The following ELP1 variants were observed in gnomAD, a reference collection of about 807,000 sequenced individuals.
ELP1 encodes the protein elongator acetyltransferase complex subunit 1.
ELP1 carries 131 observed loss-of-function variants against 183.2 expected under a neutral mutation model. The ratio of observed to expected loss-of-function variants is 0.72; its 90% confidence interval spans 0.62 to 0.83. ELP1 has a LOEUF of 0.83. Ranked by LOEUF, ELP1 falls within the 40% of genes least tolerant of loss-of-function variation. The probability of loss-of-function intolerance (pLI) is 0.00; values close to 1 mark genes in which losing one functional copy is unlikely to be tolerated. For synonymous variants in ELP1, 555 were observed against 569.0 expected (o/e 0.98, Z 0.35); for missense variants, 1,550 against 1,594.9 (o/e 0.97, Z 0.48).
intron 22 of ELP1, among the ~76,000 whole-genome samples, chr9:108,897,768 TTGAAAGGAA>T (rs1372005018): frequency 2.6e-5 from 4 of 152,226 alleles, no homozygotes; most frequent in Non-Finnish European, 5.9e-5. Flanking sequence ...CAGGGACTGA[TTGAAAGGAA>T]TCTGAAGCAG....
chr9:108,885,858 C>T (rs1007333595), intron 29 of ELP1, among the ~76,000 whole-genome samples: 1 of 152,022 alleles, frequency 6.6e-6, no homozygotes, highest in Non-Finnish European at 1.5e-5. Flanking sequence ...TTTGATGGAT[C>T]TTGGGGGTAT....
chr9:108,901,299 A>G, intron 18 of ELP1, 126 bp downstream of exon 18: 1 of 720,210 alleles, frequency 1.4e-6, no homozygotes, highest in Admixed American at 2.1e-5. Flanking sequence ...AAATAACTCT[A>G]AAGATTTTCT....
At position 108,893,936 on chromosome 9, in the gene ELP1, C is replaced by T. The variant is rs1247714394; in HGVS notation, c.2860+7G>A. 6.2e-7 allele frequency: 1 copy of T among 1,613,802 alleles called. No individual in the cohort carries two copies. The highest frequency in any genetic ancestry group is 8.5e-7 in the Non-Finnish European group (1 of 1,179,832). On this transcript the variant is annotated splice_region_variant and intron_variant, in intron 26 of 36. Coordinates refer to ENST00000374647, the MANE Select transcript of ELP1 (RefSeq NM_003640.5). The stretch of plus-strand genomic sequence containing the variant: ...GTAGAGATAAACATACTAATCCCCA[C>T]ACTTACCACATTTGCTGAGGTGGCC...
At chr9:108,931,776 C>T (rs1363260250) in intron 1 of ELP1, among the ~76,000 whole-genome samples, 1 of 152,162 alleles carries the variant, frequency 6.6e-6, no homozygotes, top group East Asian at 1.9e-4. Context: ...GACATGACAA[C>T]AATTTACTTC....
chr9:108,898,183 A>G (rs760464041), intron 22 of ELP1, among the ~76,000 whole-genome samples: 3 of 152,232 alleles, frequency 2.0e-5, no homozygotes, highest in Non-Finnish European at 4.4e-5. Flanking sequence ...TTTCATTAAA[A>G]AGTTGAGGGG....
rs1218550029 is a variant in ELP1, at chr9:108,911,062, A to G, written c.1308T>C (p.Ser436=). ...TGGCATCTAGAACAGCAAGGTCATT[A>G]CTCTTTTGAGGGTGTGCTAAGAATG... The part of the protein sequence containing the change: ...QVTFLAHPQK[S]NDLAVLDASN... The change falls in exon 12 of 37, where the codon AGT becomes AGC. Residue 436 remains serine, a synonymous_variant. Coordinates refer to ENST00000374647, the MANE Select transcript of ELP1 (RefSeq NM_003640.5). 1 of 1,614,042 alleles carries G rather than the reference A, an allele frequency of 6.2e-7. No individual in the cohort carries two copies. Among genetic ancestry groups the G allele is most frequent in the South Asian group, 1.1e-5 (1 of 91,078 alleles).
intron 1 of ELP1, among the ~76,000 whole-genome samples, chr9:108,933,091 C>G (rs1278850014): frequency 6.6e-6 from 1 of 152,154 alleles, no homozygotes; most frequent in African/African-American, 2.4e-5. Flanking sequence ...TACCACTAAA[C>G]CCACATTTTC....
chr9:108,902,795 T>C (rs1357935682), intron 16 of ELP1, 44 bp downstream of exon 16: 4 of 1,445,672 alleles, frequency 2.8e-6, no homozygotes, highest in Middle Eastern at 1.7e-4. Flanking sequence ...CATCAGTCCC[T>C]GGGTAACTAC....
chr9:108,869,124 C>G lies in ELP1; in HGVS notation c.3990G>C (p.Leu1330=). Residue 1330 remains leucine, a synonymous_variant, in exon 37 of 37, where the codon CTG becomes CTC. Coordinates refer to ENST00000374647, the MANE Select transcript of ELP1 (RefSeq NM_003640.5). ...TCCTAACTGCAGTCACTCAGTCTAG[C>G]AGGCTCAGCTTCCACTGGGTTCTTC... ...INRRTQWKLS[L]LD is the part of the protein sequence containing the mutation. 6.2e-7 allele frequency: 1 copy of G among 1,614,014 alleles called. No individual in the cohort carries two copies. The highest frequency in any genetic ancestry group is 8.5e-7 in the Non-Finnish European group (1 of 1,179,858).
intron 19 of ELP1, 121 bp from the exon 20 acceptor site, chr9:108,900,016 T>G: frequency 1.1e-6 from 1 of 896,180 alleles, no homozygotes; most frequent in Non-Finnish European, 1.8e-6. Context: ...TCAGCACACT[T>G]TTAGCAGAAT....
chr9:108,916,071 A>G (rs1427406153), intron 10 of ELP1, 133 bp downstream of exon 10: 1 of 769,348 alleles, frequency 1.3e-6, no homozygotes, highest in African/African-American at 1.7e-5. Flanking sequence ...AACCACCCCC[A>G]TTTCCACCTA....
intron 25 of ELP1, among the ~76,000 whole-genome samples, chr9:108,895,471 A>C (rs139911237): frequency 6.6e-6 from 1 of 152,264 alleles, no homozygotes; most frequent in Non-Finnish European, 1.5e-5. Flanking sequence ...AATGCTGCCC[A>C]CCAAGGCATG....
intron 28 of ELP1, 27 bp from the exon 29 acceptor site, chr9:108,889,420 C>G (rs774342894): frequency 6.2e-7 from 1 of 1,606,178 alleles, no homozygotes; most frequent in Non-Finnish European, 8.5e-7. Flanking sequence ...CAGCAGTTGA[C>G]TACAAAGTTA....
rs1190162864 is a variant in ELP1, at chr9:108,897,747, G to A, written c.2364-462C>T. ...AAAAAATTCAGAAGAGTAGTTGCCT[G>A]GGGAATGGGACAGGGACTGATTGAA... On this transcript the variant is annotated intron_variant, in intron 22 of 36. Coordinates refer to ENST00000374647, the MANE Select transcript of ELP1 (RefSeq NM_003640.5). Among the ~76,000 whole-genome samples, 6 of 152,322 alleles carry A rather than the reference G, an allele frequency of 3.9e-5. No individual in the cohort carries two copies. In the East Asian group the frequency reaches 1.2e-3, roughly 29 times the overall value.
Position 108,875,047 on chromosome 9 carries a change from T to C in ELP1, c.3856-77A>G, listed in dbSNP as rs56034183. The C allele has an allele frequency of 2.1e-3, 1,888 of 911,280 alleles. 40 individuals are homozygous for C. In the South Asian group the frequency reaches 0.023, roughly 11 times the overall value. The allele number at this position is 911,280 out of a possible 1,614,324, so 56.4% of individuals were successfully genotyped here. A position where few individuals can be genotyped will look rare whatever the true frequency, so the allele number is the denominator to read the frequency against. On this transcript the variant is annotated intron_variant, in intron 35 of 36. Transcript: ENST00000374647. The stretch of plus-strand genomic sequence containing the variant: ...CTGCCAATACCAAAGGCCAAATCCC[T>C]ACCCCCAGAAAACAGCCTGTCATTT...
chr9:108,907,115 G>C lies in ELP1; in HGVS notation c.1461-630C>G, dbSNP rs116632863. On this transcript the variant is annotated intron_variant, in intron 13 of 36. Transcript: ENST00000374647. ...TCTCCCCGGACTCAGGCTCTCCATT[G>C]CATTCACATAGAGTATCCCATGGAG... is the stretch of plus-strand genomic sequence containing the variant. Among the ~76,000 whole-genome samples the C allele has an allele frequency of 7.0e-3, 1,058 of 152,212 alleles. 13 individuals carry two copies. The highest frequency in any genetic ancestry group is 0.024 in the African/African-American group (1,003 of 41,510).
chr9:108,893,561 T>C lies in ELP1; in HGVS notation c.2860+382A>G, dbSNP rs542092156. On this transcript the variant is annotated intron_variant, in intron 26 of 36. Coordinates refer to ENST00000374647, the MANE Select transcript of ELP1 (RefSeq NM_003640.5). ...CATCACTGTCAATTAAAACTGCGTC[T>C]TGCAGGGCACGGGGAGGTGGCCTCA... Among the ~76,000 whole-genome samples, 9 of 152,318 alleles carry C rather than the reference T, an allele frequency of 5.9e-5. No homozygotes were observed. In the South Asian group the frequency reaches 1.9e-3, roughly 32 times the overall value.
chr9:108,931,220 G>C lies in ELP1; in HGVS notation c.-55-19C>G. ...TTAATCTCTAAGAGAAAAATAAATAGCTTAATAGTGATAAATGACCATATT... is the reference window on the plus strand; with the variant it reads ...TTAATCTCTAAGAGAAAAATAAATACCTTAATAGTGATAAATGACCATATT... On this transcript the variant is annotated intron_variant, in intron 1 of 36. Coordinates refer to ENST00000374647, the MANE Select transcript of ELP1 (RefSeq NM_003640.5). 1 of 1,334,442 alleles carries C rather than the reference G, an allele frequency of 7.5e-7. No individual in the cohort carries two copies. The highest frequency in any genetic ancestry group is 1.1e-6 in the Non-Finnish European group (1 of 926,550). 82.7% of individuals were successfully genotyped at this position (1,334,442 alleles called of 1,614,324 possible).
rs1469680230 is a variant in ELP1, at chr9:108,910,996, G to A, written c.1360+14C>T. Reference sequence around the variant, plus strand: ...CTTGATTCAGAACATCTTGGCAAAAGTTTTATAACATACCACATTTATAAA... The same window carrying A: ...CTTGATTCAGAACATCTTGGCAAAAATTTTATAACATACCACATTTATAAA... On this transcript the variant is annotated intron_variant, in intron 12 of 36. Coordinates refer to ENST00000374647, the MANE Select transcript of ELP1 (RefSeq NM_003640.5). 2 of 1,613,032 alleles carry A rather than the reference G, an allele frequency of 1.2e-6. No individual in the cohort carries two copies. Among genetic ancestry groups the A allele is most frequent in the Non-Finnish European group, 1.7e-6 (2 of 1,179,022 alleles).
Sources: gnomAD v4.1 joint callset for allele counts (sites outside exome capture counted in the v4.1 genomes callset) on GRCh38, gnomAD v4.1.1 for gene constraint, MANE v1.5 for transcripts, NCBI Gene and HGNC (gene_info 2026-07-23, HGNC 2026-07-21) for gene names.